The following PGM5 variants were observed in gnomAD, a reference collection of about 807,000 sequenced individuals.
PGM5 encodes phosphoglucomutase 5.
PGM5 carries 23 observed loss-of-function variants against 59.2 expected under a neutral mutation model. The observed-to-expected ratio is 0.39, with a 90% CI of 0.28 to 0.55. PGM5 has a LOEUF of 0.55. Among genes scored for constraint, PGM5 ranks in the 20% least tolerant of loss-of-function variants. The probability of loss-of-function intolerance (pLI) is 0.66; values close to 1 mark genes in which losing one functional copy is unlikely to be tolerated. For synonymous variants in PGM5, 214 were observed against 286.0 expected (o/e 0.75, Z 2.54); for missense variants, 574 against 748.3 (o/e 0.77, Z 2.72).
chr9:68,369,660 C>T (rs181918882), intron 1 of PGM5, among the ~76,000 whole-genome samples: 580 of 152,198 alleles, frequency 3.8e-3, no homozygotes, highest in Admixed American at 7.2e-3. Context: ...AGACTTGGGC[C>T]ACACTTCTAG....
chr9:68,497,949 T>C (rs1824507134), intron 9 of PGM5: 1 of 152,232 alleles, frequency 6.6e-6, no homozygotes, highest in Admixed American at 6.5e-5. Flanking sequence ...GCTGAGCCAA[T>C]GAGGAATTAA....
chr9:68,406,563 C>T (rs537591570), intron 6 of PGM5: 4 of 148,898 alleles, frequency 2.7e-5, no homozygotes, highest in South Asian at 2.2e-4. Context: ...CCCCACCTCT[C>T]GATACTGCCA....
intron 6 of PGM5, among the ~76,000 whole-genome samples, chr9:68,424,501 C>A (rs545983348): frequency 1.1e-4 from 17 of 152,228 alleles, no homozygotes; most frequent in African/African-American, 3.9e-4. Flanking sequence ...ATCTAATCAC[C>A]CCCAAAAGGT....
At chr9:68,491,963 T>C (rs112283188) in intron 9 of PGM5, among the ~76,000 whole-genome samples, 22 of 152,340 alleles carry the variant, frequency 1.4e-4, no homozygotes, top group African/African-American at 5.1e-4. Context: ...TCTCCTGGCA[T>C]AAGTTGATTG....
Position 68,441,399 on chromosome 9 carries a change from A to C in PGM5, c.1044-23694A>C, listed in dbSNP as rs933604251. Among the ~76,000 whole-genome samples, 3 of 152,158 alleles carry C rather than the reference A, an allele frequency of 2.0e-5. No individual in the cohort carries two copies. The South Asian group carries it at 6.2e-4, about 32-fold the overall frequency. ...AAATCATTAACAAAATATTAACACA[A>C]TATATCTAGCAGTATATAAAAAGAA... On this transcript the variant is annotated intron_variant, in intron 6 of 10. Coordinates refer to ENST00000396396, the MANE Select transcript of PGM5 (RefSeq NM_021965.4).
At chr9:68,371,645 T>C (rs1821735463) in intron 1 of PGM5, 1 of 140,952 alleles carries the variant, frequency 7.1e-6, no homozygotes, top group Non-Finnish European at 1.6e-5. Context: ...AGTTAAATGA[T>C]TGATCCTATG....
At chr9:68,492,722 C>T (rs782711323) in intron 9 of PGM5, among the ~76,000 whole-genome samples, 12 of 152,190 alleles carry the variant, frequency 7.9e-5, no homozygotes, top group Non-Finnish European at 1.5e-4. Context: ...CTGCCTTGCT[C>T]AACCACTTTT....
At chr9:68,499,091 C>T in intron 9 of PGM5, 136 bp from the exon 10 acceptor site, 1 of 896,130 alleles carries the variant, frequency 1.1e-6, no homozygotes, top group Non-Finnish European at 1.8e-6. Flanking sequence ...TGCCCTGTAT[C>T]CAGAGCCAAT....
Position 68,357,397 on chromosome 9 carries a change from C to G in PGM5, c.261+9C>G. 1 of 1,556,038 alleles carries G rather than the reference C, an allele frequency of 6.4e-7. No homozygotes were observed. The highest frequency in any genetic ancestry group is 8.7e-7 in the Non-Finnish European group (1 of 1,153,540). On this transcript the variant is annotated intron_variant, in intron 1 of 10. Transcript: ENST00000396396. The stretch of plus-strand genomic sequence containing the variant: ...TGGCCGCGGCCAACGGGGTGAGTGT[C>G]CGGATGCCCCTCGCTTCCCGCCGCG...
chr9:68,386,653 AT>A, intron 3 of PGM5, among the ~76,000 whole-genome samples: 1 of 152,208 alleles, frequency 6.6e-6, no homozygotes, highest in East Asian at 1.9e-4. Context: ...TTAGCTATGA[AT>A]TTAAAAAAGC....
At chr9:68,398,812 G>T (rs1313132821) in intron 6 of PGM5, 4 of 152,122 alleles carry the variant, frequency 2.6e-5, no homozygotes, top group Admixed American at 6.6e-5. Context: ...TTATCTCCTA[G>T]TCTCACCCTC....
intron 6 of PGM5, among the ~76,000 whole-genome samples, chr9:68,413,381 A>C (rs1822968358): frequency 6.6e-6 from 1 of 152,026 alleles, no homozygotes; most frequent in Admixed American, 6.5e-5. Flanking sequence ...AGGGTTTCCC[A>C]AATATTTTCA....
At chr9:68,476,306 C>T (rs781934578) in intron 7 of PGM5, among the ~76,000 whole-genome samples, 8 of 152,176 alleles carry the variant, frequency 5.3e-5, no homozygotes, top group Non-Finnish European at 8.8e-5. Context: ...CAATTGCATG[C>T]TTGTGCCTTT....
intron 10 of PGM5, among the ~76,000 whole-genome samples, chr9:68,501,276 G>A (rs549785033): frequency 8.5e-5 from 13 of 152,096 alleles, no homozygotes; most frequent in Non-Finnish European, 1.6e-4. Context: ...AGAACTCCTT[G>A]TTAAAATACC....
chr9:68,403,887 A>C (rs1317311085), intron 6 of PGM5, among the ~76,000 whole-genome samples: 3 of 152,212 alleles, frequency 2.0e-5, no homozygotes, highest in African/African-American at 7.2e-5. Flanking sequence ...TTGACGTTGA[A>C]TATCACTACT....
At chr9:68,416,776 T>C (rs1419118274) in intron 6 of PGM5, among the ~76,000 whole-genome samples, 1 of 152,244 alleles carries the variant, frequency 6.6e-6, no homozygotes, top group East Asian at 1.9e-4. Flanking sequence ...TCTCGGGCTT[T>C]CTGTTTGGTC....
chr9:68,366,522 A>T (rs1288976042), intron 1 of PGM5, among the ~76,000 whole-genome samples: 2 of 152,190 alleles, frequency 1.3e-5, no homozygotes, highest in African/African-American at 4.8e-5. Flanking sequence ...TCAACAGTGG[A>T]TATAGCTTGG....
intron 6 of PGM5, among the ~76,000 whole-genome samples, chr9:68,444,228 T>A (rs1008055202): frequency 6.6e-6 from 1 of 152,100 alleles, no homozygotes; most frequent in African/African-American, 2.4e-5. Context: ...GAGACTGGGA[T>A]TTCCAGTACT....
chr9:68,508,626 C>T (rs782762717), intron 10 of PGM5, among the ~76,000 whole-genome samples: 4 of 152,186 alleles, frequency 2.6e-5, no homozygotes, highest in Non-Finnish European at 5.9e-5. Context: ...CTTGCTGGAT[C>T]TTGTTTACTC....
Sources: allele counts gnomAD v4.1 joint callset (sites outside exome capture counted in the v4.1 genomes callset), GRCh38; gene constraint gnomAD v4.1.1; transcripts MANE v1.5; gene names NCBI Gene and HGNC (gene_info 2026-07-23, HGNC 2026-07-21).